The following DEFB131B variants were observed in gnomAD, a reference collection of about 807,000 sequenced individuals.
The protein encoded by DEFB131B is beta-defensin 131B.
In DEFB131B, 2 loss-of-function variants were observed where a neutral mutation model predicts 2.1. The ratio of observed to expected loss-of-function variants is 0.94; its 90% CI spans 0.38 to 2.95. DEFB131B has a LOEUF of 2.95. Ranked by LOEUF, DEFB131B falls within the 30% of genes most tolerant of loss-of-function variation. The probability of loss-of-function intolerance (pLI) is 0.09; values close to 1 mark genes in which losing one functional copy is unlikely to be tolerated. For synonymous variants in DEFB131B, 26 were observed against 25.8 expected, an observed-to-expected ratio of 1.01 and a Z score of -0.03; for missense variants, 77 against 78.5, an observed-to-expected ratio of 0.98 and a Z score of 0.07.
At chr11:71,881,719 G>T (rs1414880351) in intron 1 of DEFB131B, among the ~76,000 whole-genome samples, 1 of 152,022 alleles carries the variant, frequency 6.6e-6, no homozygotes, top group Admixed American at 6.6e-5. Context: ...GAGGAAAACT[G>T]GTTAGCCCAT....
intron 1 of DEFB131B, among the ~76,000 whole-genome samples, chr11:71,883,562 G>C (rs1952591003): frequency 6.6e-6 from 1 of 152,136 alleles, no homozygotes; most frequent in Admixed American, 6.5e-5. Flanking sequence ...AACTGGGCCT[G>C]TATCTTACAC....
intron 1 of DEFB131B, 145 bp from the exon 2 acceptor site, chr11:71,884,262 C>T: frequency 1.0e-6 from 1 of 984,384 alleles, no homozygotes; most frequent in East Asian, 2.9e-5. Context: ...AGCATCTCCA[C>T]TTTTTCTCTT....
intron 1 of DEFB131B, among the ~76,000 whole-genome samples, chr11:71,881,512 T>A (rs959144377): frequency 6.6e-6 from 1 of 152,202 alleles, no homozygotes; most frequent in African/African-American, 2.4e-5. Context: ...CTTCTTGCCA[T>A]GTCCTCTTAT....
In DEFB131B at chr11:71,883,294, G is replaced by A. The variant is rs574375847; in HGVS notation, c.59-1113G>A. 5.4e-3 allele frequency among the ~76,000 whole-genome samples: 819 copies of A among 152,142 alleles called. 2 individuals are homozygous for A. Among genetic ancestry groups the A allele is most frequent in the Non-Finnish European group, 8.0e-3 (541 of 67,976 alleles). ...GGACCCAGAATAGTCAAAACAATGA[G>A]CAAGAAAAACAAAGCTAGGGGCATC... On this transcript the variant is annotated intron_variant, in intron 1 of 1. Coordinates refer to ENST00000530210, the MANE Select transcript of DEFB131B (RefSeq NM_001242853.1).
chr11:71,881,219 A>G (rs1363136464), intron 1 of DEFB131B, among the ~76,000 whole-genome samples: 1 of 152,164 alleles, frequency 6.6e-6, no homozygotes, highest in African/African-American at 2.4e-5. Flanking sequence ...CATATTTGGA[A>G]TTTTTATATC....
intron 1 of DEFB131B, among the ~76,000 whole-genome samples, chr11:71,883,300 A>G (rs1952587240): frequency 1.3e-5 from 2 of 152,240 alleles, no homozygotes; most frequent in Admixed American, 1.3e-4. Context: ...ATGAGCAAGA[A>G]AAACAAAGCT....
chr11:71,881,140 G>A (rs1952558917), intron 1 of DEFB131B, among the ~76,000 whole-genome samples: 1 of 152,144 alleles, frequency 6.6e-6, no homozygotes, highest in South Asian at 2.1e-4. Flanking sequence ...TGATGTTGAG[G>A]TGTATCTCTC....
At chr11:71,879,430 G>T (rs1316573113) in intron 1 of DEFB131B, among the ~76,000 whole-genome samples, 11 of 152,148 alleles carry the variant, frequency 7.2e-5, no homozygotes, top group Non-Finnish European at 2.9e-5. Context: ...ATTAAACTGT[G>T]GTTCATACCT....
intron 1 of DEFB131B, among the ~76,000 whole-genome samples, chr11:71,879,563 T>A (rs1349065336): frequency 6.6e-6 from 1 of 152,166 alleles, no homozygotes; most frequent in African/African-American, 2.4e-5. Context: ...TATATAATTA[T>A]AAATAATTAT....
At chr11:71,879,532 A>T (rs896031083) in intron 1 of DEFB131B, among the ~76,000 whole-genome samples, 1 of 152,144 alleles carries the variant, frequency 6.6e-6, no homozygotes, top group Admixed American at 6.5e-5. Context: ...ATAATACTTC[A>T]TGATTCAAGA....
intron 1 of DEFB131B, 106 bp from the exon 2 acceptor site, chr11:71,884,301 C>G: frequency 2.3e-6 from 3 of 1,283,282 alleles, no homozygotes. Context: ...TTTTGTTTTT[C>G]TGGGAAAGTT....
chr11:71,880,818 T>C (rs1952556464), intron 1 of DEFB131B, among the ~76,000 whole-genome samples: 1 of 152,240 alleles, frequency 6.6e-6, no homozygotes, highest in Non-Finnish European at 1.5e-5. Flanking sequence ...ATCTGTATAG[T>C]TTCCAAAGTT....
At chr11:71,881,947 T>C (rs932674255) in intron 1 of DEFB131B, among the ~76,000 whole-genome samples, 14 of 152,160 alleles carry the variant, frequency 9.2e-5, no homozygotes, top group African/African-American at 3.1e-4. Context: ...TTTGAAGAAA[T>C]TCTGACTGAG....
At chr11:71,879,530 T>G (rs1442762991) in intron 1 of DEFB131B, among the ~76,000 whole-genome samples, 1 of 152,126 alleles carries the variant, frequency 6.6e-6, no homozygotes, top group African/African-American at 2.4e-5. Flanking sequence ...ATATAATACT[T>G]CATGATTCAA....
chr11:71,880,717 T>G (rs1469785955), intron 1 of DEFB131B, among the ~76,000 whole-genome samples: 1 of 152,210 alleles, frequency 6.6e-6, no homozygotes, highest in East Asian at 1.9e-4. Flanking sequence ...TGTTTCCATT[T>G]GCATTTATTT....
At chr11:71,883,018 T>C (rs1952583494) in intron 1 of DEFB131B, among the ~76,000 whole-genome samples, 1 of 152,024 alleles carries the variant, frequency 6.6e-6, no homozygotes, top group Admixed American at 6.6e-5. Context: ...AGATAAGATA[T>C]TTAAGAATAA....
rs745817472 is a variant in DEFB131B at position 71,884,433 on chromosome 11, T to C, written c.85T>C (p.Cys29Arg). 17 of 1,600,874 alleles carry C rather than the reference T, an allele frequency of 1.1e-5. No homozygotes were observed. The highest frequency in any genetic ancestry group is 6.7e-5 in the East Asian group (3 of 44,616). The change falls in exon 2 of 2, where the codon TGT becomes CGT. Residue 29 changes from cysteine (C) to arginine (R), a missense_variant. Coordinates refer to ENST00000530210, the MANE Select transcript of DEFB131B (RefSeq NM_001242853.1). The part of the protein sequence containing the change: ...PTRSFTSNDE[C>R]PSEYYHCRLK... ...CAGAAGCTTCACTTCTAATGATGAATGTCCTTCAGAATATTATCATTGCAG... is the reference window on the plus strand; with the variant it reads ...CAGAAGCTTCACTTCTAATGATGAACGTCCTTCAGAATATTATCATTGCAG...
rs111804812 is a variant in DEFB131B at position 71,884,238 on chromosome 11, G to A, written c.59-169G>A. On this transcript the variant is annotated intron_variant, in intron 1 of 1. Coordinates refer to ENST00000530210, the MANE Select transcript of DEFB131B (RefSeq NM_001242853.1). The stretch of plus-strand genomic sequence containing the variant: ...TACTCTCTTTACAGAAGAAATCATC[G>A]TTTGTCTTTATTCAGCATCTCCACT... The A allele has an allele frequency of 1.5e-4, 106 of 711,238 alleles. 1 individual carries two copies. Among genetic ancestry groups the A allele is most frequent in the African/African-American group, 5.0e-4 (27 of 54,402 alleles). The allele number at this position is 711,238 out of a possible 1,614,324, so 44.1% of individuals were successfully genotyped here.
chr11:71,882,142 G>T (rs1014765777), intron 1 of DEFB131B, among the ~76,000 whole-genome samples: 1 of 151,072 alleles, frequency 6.6e-6, no homozygotes, highest in Non-Finnish European at 1.5e-5. Flanking sequence ...GACAACCAAG[G>T]ATAAGAATTA....
Sources: gnomAD v4.1 joint callset for allele counts (sites outside exome capture counted in the v4.1 genomes callset) on GRCh38, gnomAD v4.1.1 for gene constraint, MANE v1.5 for transcripts, NCBI Gene and HGNC (gene_info 2026-07-23, HGNC 2026-07-21) for gene names.